The following PDE4D variants were observed in gnomAD, a reference collection of about 807,000 sequenced individuals.
PDE4D encodes the protein phosphodiesterase 4D, also known as 3',5'-cyclic-AMP phosphodiesterase 4D.
A neutral mutation model predicts 87.4 loss-of-function variants in PDE4D; 24 were observed. The ratio of observed to expected loss-of-function variants is 0.27; its 90% CI spans 0.20 to 0.39. The LOEUF (loss-of-function observed/expected upper bound fraction) is 0.39, where lower values mean the gene tolerates loss of function less well. PDE4D is among the 10% of genes least tolerant of loss of function. The pLI is 1.00. For synonymous variants in PDE4D, 384 were observed against 383.2 expected (o/e 1.00, Z -0.02); for missense variants, 714 against 1,041.0 (o/e 0.69, Z 4.32).
chr5:60,386,804 G>A (rs1762220319), intron 1 of PDE4D, among the ~76,000 whole-genome samples: 1 of 152,222 alleles, frequency 6.6e-6, no homozygotes, highest in Non-Finnish European at 1.5e-5. Flanking sequence ...AAACTGACTT[G>A]ATGTACATTG....
chr5:59,070,554 A>C (rs930556212), intron 5 of PDE4D, among the ~76,000 whole-genome samples: 3 of 152,120 alleles, frequency 2.0e-5, no homozygotes, highest in Non-Finnish European at 4.4e-5. Flanking sequence ...ACTTCTCATC[A>C]CCCATCCTTC....
intron 1 of PDE4D, chr5:59,430,299 C>G: frequency 8.1e-7 from 1 of 1,231,242 alleles, no homozygotes. Flanking sequence ...GTTACCGTCT[C>G]CTCTGTGGCT....
intron 5 of PDE4D, among the ~76,000 whole-genome samples, chr5:59,065,115 CACACACACAT>C (rs1182835635): frequency 9.2e-5 from 11 of 119,390 alleles, no homozygotes; most frequent in East Asian, 2.4e-4. Flanking sequence ...CACACACACA[CACACACACAT>C]ATACAATGAA....
At chr5:59,512,192 C>A (rs1352623989) in intron 1 of PDE4D, among the ~76,000 whole-genome samples, 3 of 152,176 alleles carry the variant, frequency 2.0e-5, no homozygotes, top group Admixed American at 6.5e-5. Context: ...AAATCCTCAT[C>A]TTTAGAGATT....
intron 1 of PDE4D, among the ~76,000 whole-genome samples, chr5:60,346,058 C>T (rs1758724590): frequency 6.6e-6 from 1 of 152,112 alleles, no homozygotes; most frequent in African/African-American, 2.4e-5. Context: ...AAATTTATCA[C>T]TACTGTTTTC....
chr5:60,102,840 A>T (rs917893736), intron 2 of PDE4D, among the ~76,000 whole-genome samples: 3 of 152,162 alleles, frequency 2.0e-5, no homozygotes, highest in African/African-American at 7.2e-5. Flanking sequence ...GACCAACCAG[A>T]AGATATATTC....
At chr5:59,192,584 A>G (rs1744585259) in intron 3 of PDE4D, among the ~76,000 whole-genome samples, 1 of 152,234 alleles carries the variant, frequency 6.6e-6, no homozygotes, top group South Asian at 2.1e-4. Context: ...CCAAGGTGCA[A>G]GAGCACCTTG....
At position 60,455,689 on chromosome 5, in the gene PDE4D, TACC is replaced by T. The variant is rs147353358; in HGVS notation, c.-90+32250_-90+32252del. ...ATGTTCATGAAATAATAATAGCAAT[TACC>T]ACCACCACCATTAGCAACTCCCTAG... On this transcript the variant is annotated intron_variant, in intron 1 of 16. Transcript: ENST00000502484. 2.0e-3 allele frequency among the ~76,000 whole-genome samples: 298 copies of T among 152,204 alleles called. 7 individuals carry two copies. In the East Asian group the frequency reaches 0.042, roughly 21 times the overall value.
intron 5 of PDE4D, among the ~76,000 whole-genome samples, chr5:59,112,540 G>A (rs572487395): frequency 1.3e-5 from 2 of 152,282 alleles, no homozygotes; most frequent in East Asian, 3.9e-4. Context: ...CATGGAGATG[G>A]TGACAAGGAT....
chr5:60,269,652 A>G (rs1750609038), intron 1 of PDE4D, among the ~76,000 whole-genome samples: 1 of 152,244 alleles, frequency 6.6e-6, no homozygotes. Flanking sequence ...GGTGACTGCA[A>G]TTAATAAAAT....
intron 5 of PDE4D, among the ~76,000 whole-genome samples, chr5:59,047,940 C>T (rs191194703): frequency 2.0e-5 from 3 of 152,286 alleles, no homozygotes. Context: ...TGCTGACACC[C>T]TGATCTCAGA....
intron 8 of PDE4D, among the ~76,000 whole-genome samples, chr5:58,991,412 C>A (rs1190199503): frequency 4.6e-5 from 7 of 152,212 alleles, no homozygotes; most frequent in Non-Finnish European, 1.0e-4. Context: ...ACTTTAGGCA[C>A]ATTTACTTAA....
chr5:59,431,632 T>A lies in PDE4D; in HGVS notation c.456-215664A>T, dbSNP rs74746329. Among the ~76,000 whole-genome samples the A allele has an allele frequency of 7.9e-3, 1,207 of 152,256 alleles. 16 individuals are homozygous for A. Among genetic ancestry groups the A allele is most frequent in the African/African-American group, 0.026 (1,092 of 41,556 alleles). The stretch of plus-strand genomic sequence containing the variant: ...AAGAGTAGATAATTTTCCTTTTTTT[T>A]AAATCTTGTATTTTAGGTTTGGGGG... On this transcript the variant is annotated intron_variant, in intron 1 of 14. Coordinates refer to ENST00000340635, the MANE Select transcript of PDE4D (RefSeq NM_001104631.2).
intron 4 of PDE4D, among the ~76,000 whole-genome samples, chr5:59,184,261 A>T (rs1421584030): frequency 6.6e-6 from 1 of 152,160 alleles, no homozygotes; most frequent in Non-Finnish European, 1.5e-5. Context: ...ATTTATATTG[A>T]TTTTTAAAAA....
At chr5:59,874,258 A>G (rs1748231674) in intron 1 of PDE4D, among the ~76,000 whole-genome samples, 1 of 152,196 alleles carries the variant, frequency 6.6e-6, no homozygotes, top group Non-Finnish European at 1.5e-5. Context: ...TACTTTTCAC[A>G]TAATGTCCCT....
At chr5:60,397,150 T>C (rs1762941038) in intron 1 of PDE4D, among the ~76,000 whole-genome samples, 1 of 152,192 alleles carries the variant, frequency 6.6e-6, no homozygotes, top group Admixed American at 6.5e-5. Context: ...TAGCAAGTGT[T>C]AGCAAGAATA....
At chr5:60,266,502 G>C (rs1192734008) in intron 1 of PDE4D, among the ~76,000 whole-genome samples, 6 of 152,126 alleles carry the variant, frequency 3.9e-5, no homozygotes, top group African/African-American at 1.4e-4. Context: ...ATTACCATTG[G>C]CAGCTTCTCC....
At chr5:60,282,936 A>G (rs1011978958) in intron 1 of PDE4D, among the ~76,000 whole-genome samples, 3 of 152,226 alleles carry the variant, frequency 2.0e-5, no homozygotes, top group African/African-American at 7.2e-5. Context: ...GGTCTAAAAT[A>G]TACTTTATAC....
chr5:59,614,843 T>C (rs1358308570), intron 1 of PDE4D, among the ~76,000 whole-genome samples: 1 of 152,014 alleles, frequency 6.6e-6, no homozygotes, highest in Non-Finnish European at 1.5e-5. Flanking sequence ...ATTTTTTTTT[T>C]TTTTTGGTGG....
Sources: allele counts gnomAD v4.1 joint callset (sites outside exome capture counted in the v4.1 genomes callset), GRCh38; gene constraint gnomAD v4.1.1; transcripts MANE v1.5; gene names NCBI Gene and HGNC (gene_info 2026-07-23, HGNC 2026-07-21).